ASTN2: variants seen among roughly 807,000 people sequenced by gnomAD.
ASTN2 encodes astrotactin-2.
In ASTN2, 54 loss-of-function variants were observed where a neutral mutation model predicts 139.8. The ratio of observed to expected loss-of-function variants is 0.39; its 90% CI spans 0.31 to 0.48. ASTN2 has a LOEUF of 0.48. Ranked by LOEUF, ASTN2 falls within the 20% of genes least tolerant of loss-of-function variation. The pLI is 0.95. For missense variants in ASTN2, 1,565 were observed against 1,725.1 expected (o/e 0.91, Z 1.64); for synonymous variants, 756 against 719.5 (o/e 1.05, Z -0.81).
At chr9:116,517,055 G>C (rs902594652) in intron 19 of ASTN2, among the ~76,000 whole-genome samples, 1 of 152,114 alleles carries the variant, frequency 6.6e-6, no homozygotes, top group African/African-American at 2.4e-5. Context: ...AAAGACAAAG[G>C]TCATAATCTC....
At chr9:117,036,556 C>T (rs796466736) in intron 6 of ASTN2, among the ~76,000 whole-genome samples, 7 of 152,246 alleles carry the variant, frequency 4.6e-5, no homozygotes, top group African/African-American at 1.7e-4. Flanking sequence ...ATCATCTCCT[C>T]TATATGGCTT....
chr9:116,672,172 AAGAAC>A (rs1859235234), intron 16 of ASTN2, among the ~76,000 whole-genome samples: 5 of 152,048 alleles, frequency 3.3e-5, no homozygotes, highest in Admixed American at 3.3e-4. Context: ...TCAGGAGTTC[AAGAAC>A]AGCCTGGGCA....
chr9:116,480,393 C>T (rs983723170), intron 20 of ASTN2, among the ~76,000 whole-genome samples: 2 of 152,166 alleles, frequency 1.3e-5, no homozygotes, highest in East Asian at 1.9e-4. Flanking sequence ...GGGGAGAAGT[C>T]AGTGTCTACA....
chr9:116,941,849 G>C (rs1029298519), intron 10 of ASTN2, among the ~76,000 whole-genome samples: 1 of 151,930 alleles, frequency 6.6e-6, no homozygotes, highest in Non-Finnish European at 1.5e-5. Flanking sequence ...CCAGAGTTGA[G>C]ACTATTGGAT....
intron 10 of ASTN2, among the ~76,000 whole-genome samples, chr9:116,889,971 A>C (rs1588387884): frequency 6.6e-6 from 1 of 152,188 alleles, no homozygotes; most frequent in East Asian, 1.9e-4. Flanking sequence ...AAAGGAAGAA[A>C]GAAAGAGAGG....
intron 6 of ASTN2, among the ~76,000 whole-genome samples, chr9:117,010,075 G>A (rs1055784194): frequency 6.6e-6 from 1 of 152,184 alleles, no homozygotes; most frequent in Non-Finnish European, 1.5e-5. Context: ...AAAAGAAAGA[G>A]GGGTCTTTGT....
At chr9:116,829,290 T>A (rs1590606) in intron 11 of ASTN2, among the ~76,000 whole-genome samples, 119,019 of 149,852 alleles carry the variant, frequency 0.79, 47,441 homozygotes, top group East Asian at 0.91. Context: ...AAAACCATGG[T>A]ATTGGTATAA....
At chr9:117,400,164 C>T (rs967999536) in intron 1 of ASTN2, among the ~76,000 whole-genome samples, 1 of 152,002 alleles carries the variant, frequency 6.6e-6, no homozygotes, top group Non-Finnish European at 1.5e-5. Flanking sequence ...TCCCTGAGGT[C>T]AAAAAAGGAC....
intron 6 of ASTN2, among the ~76,000 whole-genome samples, chr9:117,030,972 T>C (rs913920296): frequency 2.0e-4 from 30 of 152,294 alleles, no homozygotes; most frequent in Non-Finnish European, 3.7e-4. Context: ...TTATTAAGTC[T>C]GGGTTGGAGT....
At chr9:116,896,144 T>C (rs571018426) in intron 10 of ASTN2, among the ~76,000 whole-genome samples, 1 of 152,224 alleles carries the variant, frequency 6.6e-6, no homozygotes, top group South Asian at 2.1e-4. Flanking sequence ...TTGGATTGAG[T>C]TCTATGAGAG....
chr9:117,004,870 T>C (rs2132578823), intron 7 of ASTN2, among the ~76,000 whole-genome samples: 1 of 152,272 alleles, frequency 6.6e-6, no homozygotes. Context: ...AGTTCCTTTT[T>C]CTTTCTGGCT....
chr9:117,250,699 TG>T (rs961623556), intron 2 of ASTN2, among the ~76,000 whole-genome samples: 1 of 152,160 alleles, frequency 6.6e-6, no homozygotes, highest in Non-Finnish European at 1.5e-5. Context: ...GCCAAAACAC[TG>T]GCTCCATTGG....
chr9:116,826,093 C>T (rs1831615585), intron 11 of ASTN2, among the ~76,000 whole-genome samples: 2 of 152,202 alleles, frequency 1.3e-5, no homozygotes, highest in African/African-American at 4.8e-5. Flanking sequence ...TGGTATCAGG[C>T]CCAAAGCACC....
chr9:117,112,599 C>T lies in ASTN2; in HGVS notation c.1169-16448G>A, dbSNP rs945620231. On this transcript the variant is annotated intron_variant, in intron 4 of 22. Transcript: ENST00000313400. Reference sequence around the variant, plus strand: ...AAAAGCCCATAGTTCATACCATATACACATATTAACTCAAAATGGATTACA... The same window carrying T: ...AAAAGCCCATAGTTCATACCATATATACATATTAACTCAAAATGGATTACA... 4.6e-5 allele frequency among the ~76,000 whole-genome samples: 7 copies of T among 152,100 alleles called. No individual in the cohort carries two copies. The South Asian group carries it at 6.2e-4, about 13-fold the overall frequency.
intron 13 of ASTN2, among the ~76,000 whole-genome samples, chr9:116,747,518 C>A (rs988218937): frequency 6.6e-6 from 1 of 152,110 alleles, no homozygotes; most frequent in African/African-American, 2.4e-5. Context: ...TTATTATCTC[C>A]CTGCCAGAGG....
chr9:117,011,695 CT>C (rs1185088598), intron 6 of ASTN2, among the ~76,000 whole-genome samples: 2 of 152,164 alleles, frequency 1.3e-5, no homozygotes, highest in African/African-American at 4.8e-5. Flanking sequence ...GATATGTATT[CT>C]GCTCATTTAA....
intron 19 of ASTN2, among the ~76,000 whole-genome samples, chr9:116,564,149 G>A (rs763841340): frequency 2.6e-5 from 4 of 152,154 alleles, no homozygotes; most frequent in Admixed American, 6.5e-5. Context: ...GTCCAGAGTC[G>A]AACCTAAACC....
intron 5 of ASTN2, among the ~76,000 whole-genome samples, chr9:117,093,879 C>T (rs192186725): frequency 4.6e-5 from 7 of 152,262 alleles, no homozygotes; most frequent in Admixed American, 3.9e-4. Context: ...CTCACTGAAT[C>T]TAAGCATTCA....
At chr9:116,740,986 T>A (rs918784224) in intron 13 of ASTN2, among the ~76,000 whole-genome samples, 3 of 151,938 alleles carry the variant, frequency 2.0e-5, no homozygotes, top group Admixed American at 2.0e-4. Context: ...CCAGGCTACC[T>A]GCATATGACC....
Sources: allele counts gnomAD v4.1 joint callset (sites outside exome capture counted in the v4.1 genomes callset), GRCh38; gene constraint gnomAD v4.1.1; transcripts MANE v1.5; gene names NCBI Gene and HGNC (gene_info 2026-07-23, HGNC 2026-07-21).